Variants in ACER2 observed in about 807,000 individuals in gnomAD.
ACER2 encodes the protein alkaline ceramidase 2.
In ACER2, 26 loss-of-function variants were observed where a neutral mutation model predicts 34.7. The ratio of observed to expected loss-of-function variants is 0.75; its 90% CI spans 0.55 to 1.04. The LOEUF (loss-of-function observed/expected upper bound fraction) is 1.04, where lower values mean the gene tolerates loss of function less well. Ranked by LOEUF, ACER2 falls within the 50% of genes least tolerant of loss-of-function variation. The pLI, the probability that ACER2 is intolerant of heterozygous loss-of-function variation, is 0.00. For missense variants in ACER2, 352 were observed against 340.8 expected (o/e 1.03, Z -0.26); for synonymous variants, 138 against 132.1 (o/e 1.04, Z -0.31).
chr9:19,448,447 T>A (rs1424625338), intron 5 of ACER2, among the ~76,000 whole-genome samples: 7 of 152,092 alleles, frequency 4.6e-5, no homozygotes, highest in Non-Finnish European at 1.0e-4. Flanking sequence ...ATGGACACTT[T>A]ATAATTTATT....
At chr9:19,438,365 A>G (rs1236139467) in intron 4 of ACER2, among the ~76,000 whole-genome samples, 8 of 151,974 alleles carry the variant, frequency 5.3e-5, no homozygotes, top group Admixed American at 3.9e-4. Flanking sequence ...TTCCTATTGT[A>G]TCTGTTTTTT....
Position 19,450,187 on chromosome 9 carries a change from G to T in ACER2, c.642-263G>T, listed in dbSNP as rs181964052. ...CAGTCTTCTTGTTTGAGGCCCAAAG[G>T]CATTTATTTGCACATTTGTTCCTAT... On this transcript the variant is annotated intron_variant, in intron 5 of 5. Transcript: ENST00000340967. The T allele has an allele frequency of 8.1e-6, 8 of 985,260 alleles. No homozygotes were observed. In the Admixed American group the frequency reaches 2.5e-4, roughly 30 times the overall value. The allele number at this position is 985,260 out of a possible 1,614,324, so 61.0% of individuals were successfully genotyped here.
intron 3 of ACER2, among the ~76,000 whole-genome samples, chr9:19,434,500 C>T (rs1033436687): frequency 3.3e-5 from 5 of 152,266 alleles, no homozygotes; most frequent in Non-Finnish European, 5.9e-5. Context: ...ACTGAGTGAA[C>T]CAGACTCCGT....
At chr9:19,436,705 A>G (rs1254872212) in intron 4 of ACER2, among the ~76,000 whole-genome samples, 1 of 152,128 alleles carries the variant, frequency 6.6e-6, no homozygotes, top group African/African-American at 2.4e-5. Flanking sequence ...TAGGATTGTA[A>G]TTTACTTTTA....
chr9:19,427,984 TTTTCC>T (rs751028686), intron 3 of ACER2, among the ~76,000 whole-genome samples: 15 of 136,420 alleles, frequency 1.1e-4, no homozygotes, highest in South Asian at 2.4e-4. Flanking sequence ...CCTTTTTCCT[TTTTCC>T]TTTCCTTTCC....
At chr9:19,435,139 A>T in intron 4 of ACER2, 55 bp downstream of exon 4, 3 of 1,591,314 alleles carry the variant, frequency 1.9e-6, no homozygotes, top group Non-Finnish European at 2.6e-6. Flanking sequence ...GGAACACACC[A>T]GTTCGGGGCT....
chr9:19,426,344 C>A (rs946258471), intron 3 of ACER2, among the ~76,000 whole-genome samples: 1 of 141,150 alleles, frequency 7.1e-6, no homozygotes, highest in Non-Finnish European at 1.5e-5. Context: ...CTGTCTTTGT[C>A]TTTCTCCCTC....
At chr9:19,448,578 ATAT>A (rs1831454154) in intron 5 of ACER2, among the ~76,000 whole-genome samples, 2 of 152,152 alleles carry the variant, frequency 1.3e-5, no homozygotes, top group Non-Finnish European at 2.9e-5. Flanking sequence ...TGTTAAATTA[ATAT>A]TATATATTGC....
At chr9:19,411,654 G>A (rs190615334) in intron 1 of ACER2, among the ~76,000 whole-genome samples, 132 of 152,260 alleles carry the variant, frequency 8.7e-4, no homozygotes, top group African/African-American at 2.9e-3. Flanking sequence ...GATAAATATC[G>A]TCTTAAATCC....
chr9:19,443,771 C>G (rs1009791958), intron 4 of ACER2, among the ~76,000 whole-genome samples: 1 of 152,018 alleles, frequency 6.6e-6, no homozygotes, highest in African/African-American at 2.4e-5. Context: ...ATTCTCCTGC[C>G]TCAGCCTCCC....
rs1296049449 is a variant in ACER2, at chr9:19,424,835, A to G, written c.359A>G (p.Asn120Ser). ...AGGTATCTACCAAAGATCTTTCGGA[A>G]TGACCGGTAAGCTTGCACTAAACAT... The part of the protein sequence containing the change: ...PRRYLPKIFR[N>S]DRGRFKVVVS... Residue 120 changes from asparagine to serine, a missense_variant, in exon 3 of 6, where the codon AAT becomes AGT. Coordinates refer to ENST00000340967, the MANE Select transcript of ACER2 (RefSeq NM_001010887.3). 1.9e-6 allele frequency: 3 copies of G among 1,614,170 alleles called. No homozygotes were observed. The highest frequency in any genetic ancestry group is 1.1e-5 in the South Asian group (1 of 91,074).
chr9:19,415,056 T>G (rs1014803319), intron 1 of ACER2, among the ~76,000 whole-genome samples: 3 of 152,180 alleles, frequency 2.0e-5, no homozygotes, highest in African/African-American at 7.2e-5. Context: ...CCTTTCCATA[T>G]GTTGACGTCT....
At chr9:19,411,043 G>T (rs889684296) in intron 1 of ACER2, among the ~76,000 whole-genome samples, 1 of 152,204 alleles carries the variant, frequency 6.6e-6, no homozygotes, top group Non-Finnish European at 1.5e-5. Context: ...GGCCAAAAAA[G>T]CTAGTGTATG....
chr9:19,449,474 C>G (rs545105833), intron 5 of ACER2, among the ~76,000 whole-genome samples: 3 of 152,146 alleles, frequency 2.0e-5, no homozygotes, highest in Non-Finnish European at 2.9e-5. Flanking sequence ...TATTTTTGTG[C>G]CATACTGGTT....
In ACER2 at chr9:19,433,750, ACCT is replaced by A. The variant is rs1830840361; in HGVS notation, c.366-1194_366-1192del. On this transcript the variant is annotated intron_variant, in intron 3 of 5. Transcript: ENST00000340967. ...GGGCGGCCGGGCAGAGGCACCCCTC[ACCT>A]CCCGGATGGGGCGGCTGGCCGGGCG... Among the ~76,000 whole-genome samples the A allele has an allele frequency of 4.0e-5, 6 of 151,130 alleles. No homozygotes were observed. The South Asian group carries it at 1.3e-3, about 32-fold the overall frequency.
chr9:19,444,177 A>G (rs1486320329), intron 4 of ACER2, among the ~76,000 whole-genome samples: 5 of 150,126 alleles, frequency 3.3e-5, no homozygotes, highest in African/African-American at 1.2e-4. Flanking sequence ...AAGAAAAGAA[A>G]AAAAAAAAGA....
At chr9:19,437,752 C>T (rs993015458) in intron 4 of ACER2, among the ~76,000 whole-genome samples, 3 of 152,126 alleles carry the variant, frequency 2.0e-5, no homozygotes, top group Non-Finnish European at 4.4e-5. Flanking sequence ...AATCCTACCC[C>T]TTCTGCAATG....
At chr9:19,424,118 C>T (rs1028043136) in intron 2 of ACER2, 142 bp downstream of exon 2, 1 of 835,282 alleles carries the variant, frequency 1.2e-6, no homozygotes, top group Non-Finnish European at 1.9e-6. Flanking sequence ...TTTTTTTTCC[C>T]ACTTGCTTGA....
chr9:19,420,780 T>C (rs1372844449), intron 1 of ACER2, among the ~76,000 whole-genome samples: 1 of 151,928 alleles, frequency 6.6e-6, no homozygotes, highest in Non-Finnish European at 1.5e-5. Context: ...AGGTTGGGGG[T>C]CTGGCAAGGG....
Sources: gnomAD v4.1 joint callset for allele counts (sites outside exome capture counted in the v4.1 genomes callset) on GRCh38, gnomAD v4.1.1 for gene constraint, MANE v1.5 for transcripts, NCBI Gene and HGNC (gene_info 2026-07-23, HGNC 2026-07-21) for gene names.